The following AGPAT4 variants were observed in gnomAD, a reference collection of about 807,000 sequenced individuals.
AGPAT4 encodes 1-acylglycerol-3-phosphate O-acyltransferase 4, also known as 1-acyl-sn-glycerol-3-phosphate acyltransferase delta.
Under a neutral mutation model 48.0 loss-of-function variants are expected in AGPAT4, and 15 were observed. That is an observed-to-expected ratio of 0.31 (90% CI 0.21 to 0.48). The LOEUF (loss-of-function observed/expected upper bound fraction) is 0.48, where lower values mean the gene tolerates loss of function less well. Among genes scored for constraint, AGPAT4 ranks in the 20% least tolerant of loss-of-function variants. The pLI is 0.99. For synonymous variants in AGPAT4, 178 were observed against 198.7 expected, an observed-to-expected ratio of 0.90 and a Z score of 0.88; for missense variants, 314 against 482.5, an observed-to-expected ratio of 0.65 and a Z score of 3.27.
At position 161,154,323 on chromosome 6, in the gene AGPAT4, A is replaced by G; in HGVS notation, c.349-13T>C. The G allele has an allele frequency of 6.2e-7, 1 of 1,613,976 alleles. No individual in the cohort carries two copies. Among genetic ancestry groups the G allele is most frequent in the Non-Finnish European group, 8.5e-7 (1 of 1,179,954 alleles). ...GGACCTTGGAGCCCTGAAACAGAAG[A>G]AGGAGCCCAGGTGCCCATGAAGGAG... On this transcript the variant is annotated splice_polypyrimidine_tract_variant and intron_variant, in intron 3 of 8. Coordinates refer to ENST00000320285, the MANE Select transcript of AGPAT4 (RefSeq NM_020133.3). The surrounding 1 kb of genome is among the most constrained non-coding windows in gnomAD (Gnocchi z 7.8).
At position 161,178,508 on chromosome 6, in the gene AGPAT4, C is replaced by G. The variant is rs985107110; in HGVS notation, c.179-12091G>C. On this transcript the variant is annotated intron_variant, in intron 2 of 8. Coordinates refer to ENST00000320285, the MANE Select transcript of AGPAT4 (RefSeq NM_020133.3). The surrounding 1 kb of genome is among the most constrained non-coding windows in gnomAD (Gnocchi z 5.1). ...GCGCAGTATTAGGGTGGGAGTGAACCAATTTTCCAGGTGCCGTCTGTCACC... is the reference window on the plus strand; with the variant it reads ...GCGCAGTATTAGGGTGGGAGTGAACGAATTTTCCAGGTGCCGTCTGTCACC... Among the ~76,000 whole-genome samples the G allele has an allele frequency of 6.6e-6, 1 of 152,202 alleles. No individual in the cohort carries two copies. The highest frequency in any genetic ancestry group is 1.5e-5 in the Non-Finnish European group (1 of 68,038).
At chr6:161,203,381 CT>C (rs10585542) in intron 2 of AGPAT4, among the ~76,000 whole-genome samples, 1,400 of 110,396 alleles carry the variant, frequency 0.013, 15 homozygotes, top group African/African-American at 0.036. Context: ...CTTTTTCTTT[CT>C]TTTTTTTTTT....
chr6:161,173,316 G>C (rs1454697846), intron 2 of AGPAT4, among the ~76,000 whole-genome samples: 3 of 152,006 alleles, frequency 2.0e-5, no homozygotes, highest in Admixed American at 1.3e-4. Context: ...TTGTTTCCTG[G>C]CTTTTTAATG....
chr6:161,220,374 G>A lies in AGPAT4; in HGVS notation c.178+11662C>T, dbSNP rs1023973010. The stretch of plus-strand genomic sequence containing the variant: ...TCATTTCACTAGGAATTGGGCCAGA[G>A]TGTAACAGTAACTATGAAGAGAAAA... On this transcript the variant is annotated intron_variant, in intron 2 of 8. Coordinates refer to ENST00000320285, the MANE Select transcript of AGPAT4 (RefSeq NM_020133.3). The surrounding 1 kb of genome is among the most constrained non-coding windows in gnomAD (Gnocchi z 6.0). Among the ~76,000 whole-genome samples the A allele has an allele frequency of 3.3e-5, 5 of 152,208 alleles. No individual in the cohort carries two copies. Among genetic ancestry groups the A allele is most frequent in the South Asian group, 2.1e-4 (1 of 4,832 alleles).
intron 2 of AGPAT4, among the ~76,000 whole-genome samples, chr6:161,227,246 C>A (rs1782006444): frequency 1.3e-5 from 2 of 152,158 alleles, no homozygotes; most frequent in South Asian, 4.1e-4. Context: ...GACTCATGTG[C>A]CAAAGACTGC....
chr6:161,251,944 C>G lies in AGPAT4; in HGVS notation c.-89-19642G>C, dbSNP rs1451282644. 6.7e-6 allele frequency among the ~76,000 whole-genome samples: 1 copy of G among 149,020 alleles called. No homozygotes were observed. The highest frequency in any genetic ancestry group is 1.5e-5 in the Non-Finnish European group (1 of 67,164). ...TAATTATCTTCTTAACCCATTTATG[C>G]TGGAGAGTATAATTTTTTGAATTTT... is the stretch of plus-strand genomic sequence containing the variant. On this transcript the variant is annotated intron_variant, in intron 1 of 8. Transcript: ENST00000320285. This position sits in a 1 kb window ranked among gnomAD's most constrained non-coding sequence, Gnocchi z 4.6.
In AGPAT4 at chr6:161,272,705, A is replaced by AACGCACAC. The variant is rs10646379; in HGVS notation, c.-90+1232_-90+1233insGTGTGCGT. ...TCCCTGCCCGCCTCCCATTTCCCTA[A>AACGCACAC]ACACACACACACACACACACACACA... On this transcript the variant is annotated intron_variant, in intron 1 of 8. Coordinates refer to ENST00000320285, the MANE Select transcript of AGPAT4 (RefSeq NM_020133.3). This position sits in a 1 kb window ranked among gnomAD's most constrained non-coding sequence, Gnocchi z 4.2. Among the ~76,000 whole-genome samples the AACGCACAC allele has an allele frequency of 1.6e-3, 232 of 147,178 alleles. 1 individual carries two copies. Among genetic ancestry groups the AACGCACAC allele is most frequent in the African/African-American group, 5.2e-3 (206 of 39,916 alleles).
rs1331578214 is a variant in AGPAT4, at chr6:161,204,009, T to C, written c.178+28027A>G. 6.6e-6 allele frequency among the ~76,000 whole-genome samples: 1 copy of C among 152,220 alleles called. No homozygotes were observed. The highest frequency in any genetic ancestry group is 1.5e-5 in the Non-Finnish European group (1 of 68,044). On this transcript the variant is annotated intron_variant, in intron 2 of 8. Transcript: ENST00000320285. This position sits in a 1 kb window ranked among gnomAD's most constrained non-coding sequence, Gnocchi z 4.4. Reference sequence around the variant, plus strand: ...CAGTAGTAATAATCATAAAAATAGTTGTGACCTTGAAGCCAAAGCCACTCA... The same window carrying C: ...CAGTAGTAATAATCATAAAAATAGTCGTGACCTTGAAGCCAAAGCCACTCA...
intron 1 of AGPAT4, among the ~76,000 whole-genome samples, chr6:161,253,654 A>ACC (rs142155218): frequency 1.3e-5 from 2 of 151,772 alleles, no homozygotes; most frequent in East Asian, 1.9e-4. Context: ...AATATATTGC[A>ACC]CCCCCCAAGA....
At position 161,242,472 on chromosome 6, in the gene AGPAT4, G is replaced by C. The variant is rs377075791; in HGVS notation, c.-89-10170C>G. Among the ~76,000 whole-genome samples, 3 of 152,110 alleles carry C rather than the reference G, an allele frequency of 2.0e-5. No homozygotes were observed. Among genetic ancestry groups the C allele is most frequent in the Non-Finnish European group, 4.4e-5 (3 of 68,028 alleles). The stretch of plus-strand genomic sequence containing the variant: ...GTGGCACCTTTTCTCCAAGTAGAAG[G>C]CCACATCCTCCAAACCCCATCCAGC... On this transcript the variant is annotated intron_variant, in intron 1 of 8. Transcript: ENST00000320285. This position sits in a 1 kb window ranked among gnomAD's most constrained non-coding sequence, Gnocchi z 5.0.
rs149955734 is a variant in AGPAT4, at chr6:161,200,735, G to A, written c.178+31301C>T. Among the ~76,000 whole-genome samples, 66 of 152,266 alleles carry A rather than the reference G, an allele frequency of 4.3e-4. No individual in the cohort carries two copies. The highest frequency in any genetic ancestry group is 1.5e-3 in the African/African-American group (63 of 41,568). On this transcript the variant is annotated intron_variant, in intron 2 of 8. Transcript: ENST00000320285. This position sits in a 1 kb window ranked among gnomAD's most constrained non-coding sequence, Gnocchi z 5.5. ...AAGTGACATATTGGAATTCAAATGAGGCTCCATCTGTTCCTGAAGCCATAC... is the reference window on the plus strand; with the variant it reads ...AAGTGACATATTGGAATTCAAATGAAGCTCCATCTGTTCCTGAAGCCATAC...
rs956328123 is a variant in AGPAT4, at chr6:161,159,328, C to A, written c.349-5018G>T. On this transcript the variant is annotated intron_variant, in intron 3 of 8. Transcript: ENST00000320285. This position sits in a 1 kb window ranked among gnomAD's most constrained non-coding sequence, Gnocchi z 4.1. ...TGATTAAGAAGCCCCCTATGCCAGG[C>A]ATTATGCAGGTGCCGAGAACTCAAT... 1.3e-5 allele frequency among the ~76,000 whole-genome samples: 2 copies of A among 152,164 alleles called. No individual in the cohort carries two copies. The highest frequency in any genetic ancestry group is 2.9e-5 in the Non-Finnish European group (2 of 68,044).
rs1184295194 is a variant in AGPAT4, at chr6:161,143,801, C to T, written c.843+2723G>A. On this transcript the variant is annotated intron_variant, in intron 7 of 8. Coordinates refer to ENST00000320285, the MANE Select transcript of AGPAT4 (RefSeq NM_020133.3). This position sits in a 1 kb window ranked among gnomAD's most constrained non-coding sequence, Gnocchi z 4.7. ...GTATAACTGTGTCAGTGGTAGATGG[C>T]GAGTTTCTCTTTATTTATGTCCATG... Among the ~76,000 whole-genome samples, 2 of 152,148 alleles carry T rather than the reference C, an allele frequency of 1.3e-5. No individual in the cohort carries two copies. The highest frequency in any genetic ancestry group is 6.5e-5 in the Admixed American group (1 of 15,270).
rs767959316 is a variant in AGPAT4, at chr6:161,232,340, C to T, written c.-89-38G>A. ...CAAATAGGAAATGTTAGCAAAAACA[C>T]GATGTGCTTTTAGAGTCAGAAAAAA... On this transcript the variant is annotated intron_variant, in intron 1 of 8. Coordinates refer to ENST00000320285, the MANE Select transcript of AGPAT4 (RefSeq NM_020133.3). The surrounding 1 kb of genome is among the most constrained non-coding windows in gnomAD (Gnocchi z 6.8). 4.2e-6 allele frequency: 4 copies of T among 943,358 alleles called. No individual in the cohort carries two copies. The highest frequency in any genetic ancestry group is 1.9e-5 in the South Asian group (1 of 52,086). The allele number at this position is 943,358 out of a possible 1,614,324, so 58.4% of individuals were successfully genotyped here.
chr6:161,220,806 CAG>C lies in AGPAT4; in HGVS notation c.178+11228_178+11229del, dbSNP rs1404156089. On this transcript the variant is annotated intron_variant, in intron 2 of 8. Coordinates refer to ENST00000320285, the MANE Select transcript of AGPAT4 (RefSeq NM_020133.3). This position sits in a 1 kb window ranked among gnomAD's most constrained non-coding sequence, Gnocchi z 6.0. Reference sequence around the variant, plus strand: ...TTTTATTTTATTTTTATTTTTGAGACAGAGTCTCACTCTGTCACCCAGGCTGG... The same window carrying C: ...TTTTATTTTATTTTTATTTTTGAGACAGTCTCACTCTGTCACCCAGGCTGG... 1.3e-5 allele frequency among the ~76,000 whole-genome samples: 2 copies of C among 152,048 alleles called. No homozygotes were observed. Among genetic ancestry groups the C allele is most frequent in the Non-Finnish European group, 2.9e-5 (2 of 68,012 alleles).
chr6:161,229,796 C>A lies in AGPAT4; in HGVS notation c.178+2240G>T, dbSNP rs962389495. ...GATTGTTTAAAAATGCTTCCACTAT[C>A]GCTTGGCCCAAAGCCCTAGGAAGCC... On this transcript the variant is annotated intron_variant, in intron 2 of 8. Coordinates refer to ENST00000320285, the MANE Select transcript of AGPAT4 (RefSeq NM_020133.3). The surrounding 1 kb of genome is among the most constrained non-coding windows in gnomAD (Gnocchi z 6.0). Among the ~76,000 whole-genome samples the A allele has an allele frequency of 6.6e-6, 1 of 152,126 alleles. No homozygotes were observed. The highest frequency in any genetic ancestry group is 1.5e-5 in the Non-Finnish European group (1 of 68,032).
At position 161,136,369 on chromosome 6, in the gene AGPAT4, C is replaced by T; in HGVS notation, c.*171G>A. On this transcript the variant is annotated 3_prime_UTR_variant, in exon 9 of 9. Transcript: ENST00000320285. ...ACATGGGGAAAAAAAGATTACAAAA[C>T]ATCTTCCTCCCCATCCGGCCTTGAG... 1 of 609,174 alleles carries T rather than the reference C, an allele frequency of 1.6e-6. No individual in the cohort carries two copies. Among genetic ancestry groups the T allele is most frequent in the Non-Finnish European group, 2.9e-6 (1 of 343,766 alleles). The allele number at this position is 609,174 out of a possible 1,614,324, so 37.7% of individuals were successfully genotyped here.
In AGPAT4 at chr6:161,225,957, G is replaced by A. The variant is rs745519756; in HGVS notation, c.178+6079C>T. ...AATTCCTTTCCATCCGACTTGACTC[G>A]CCAAAGCCACTGTTGTTCAGCTACT... On this transcript the variant is annotated intron_variant, in intron 2 of 8. Transcript: ENST00000320285. This position sits in a 1 kb window ranked among gnomAD's most constrained non-coding sequence, Gnocchi z 5.0. 3.1e-4 allele frequency among the ~76,000 whole-genome samples: 47 copies of A among 152,076 alleles called. No individual in the cohort carries two copies. The highest frequency in any genetic ancestry group is 1.0e-3 in the African/African-American group (43 of 41,394).
In AGPAT4 at chr6:161,146,504, CT is replaced by C. The variant is rs1583278956; in HGVS notation, c.843+19del. ...CCACAGCTGCAACGTGAAGGGACCC[CT>C]GGCACCCAGTGCACTGACCTTCTCC... On this transcript the variant is annotated intron_variant, in intron 7 of 8. Coordinates refer to ENST00000320285, the MANE Select transcript of AGPAT4 (RefSeq NM_020133.3). This position sits in a 1 kb window ranked among gnomAD's most constrained non-coding sequence, Gnocchi z 7.1. 1 of 1,613,206 alleles carries C rather than the reference CT, an allele frequency of 6.2e-7. No individual in the cohort carries two copies. Among genetic ancestry groups the C allele is most frequent in the Non-Finnish European group, 8.5e-7 (1 of 1,179,848 alleles).
Sources: allele counts gnomAD v4.1 joint callset (sites outside exome capture counted in the v4.1 genomes callset), GRCh38; gene constraint gnomAD v4.1.1; non-coding constraint Gnocchi (gnomAD v3.1); transcripts MANE v1.5; gene names NCBI Gene and HGNC (gene_info 2026-07-23, HGNC 2026-07-21).